TMC7: variants seen among roughly 807,000 people sequenced by gnomAD.
The protein encoded by TMC7 is transmembrane channel-like protein 7.
Under a neutral mutation model 82.9 loss-of-function variants are expected in TMC7, and 54 were observed. That is an observed-to-expected ratio of 0.65 (90% CI 0.52 to 0.82). TMC7 has a LOEUF of 0.82. Ranked by LOEUF, TMC7 falls within the 40% of genes least tolerant of loss-of-function variation. The pLI, the probability that TMC7 is intolerant of heterozygous loss-of-function variation, is 0.00. For synonymous variants in TMC7, 350 were observed against 337.9 expected (o/e 1.04, Z -0.39); for missense variants, 820 against 901.2 (o/e 0.91, Z 1.15).
At chr16:19,023,760 C>T (rs1030857996) in intron 5 of TMC7, among the ~76,000 whole-genome samples, 1 of 152,156 alleles carries the variant, frequency 6.6e-6, no homozygotes, top group African/African-American at 2.4e-5. Flanking sequence ...GTCCTTCAAT[C>T]TTTGTATTGA....
At position 18,998,351 on chromosome 16, in the gene TMC7, G is replaced by C. The variant is rs569640513; in HGVS notation, c.68-10821G>C. Among the ~76,000 whole-genome samples the C allele has an allele frequency of 7.8e-4, 119 of 152,204 alleles. 1 individual carries two copies. The highest frequency in any genetic ancestry group is 1.5e-3 in the Non-Finnish European group (101 of 68,038). On this transcript the variant is annotated intron_variant, in intron 1 of 15. Coordinates refer to ENST00000304381, the MANE Select transcript of TMC7 (RefSeq NM_024847.4). ...AGGCTGGTGTCCAAATCCAGGCAGG[G>C]TGGGTTGGGAAACTGTGCTCTTAAC...
At chr16:19,013,003 G>A (rs1049529792) in intron 2 of TMC7, among the ~76,000 whole-genome samples, 2 of 150,334 alleles carry the variant, frequency 1.3e-5, no homozygotes, top group African/African-American at 4.9e-5. Flanking sequence ...TTTTAGTAGA[G>A]ACAGGGTTTC....
intron 1 of TMC7, among the ~76,000 whole-genome samples, chr16:18,995,084 T>C (rs1447567129): frequency 6.6e-6 from 1 of 152,124 alleles, no homozygotes; most frequent in Non-Finnish European, 1.5e-5. Context: ...GAGAAGCAGA[T>C]AATTTAGTTA....
chr16:18,995,078 A>G (rs1390788044), intron 1 of TMC7, among the ~76,000 whole-genome samples: 1 of 152,152 alleles, frequency 6.6e-6, no homozygotes, highest in African/African-American at 2.4e-5. Flanking sequence ...TAGTCAGAGA[A>G]GCAGATAATT....
At chr16:19,056,402 A>C (rs1016498734) in intron 13 of TMC7, 140 bp from the exon 14 acceptor site, 19 of 1,010,642 alleles carry the variant, frequency 1.9e-5, no homozygotes, top group Non-Finnish European at 2.7e-5. Flanking sequence ...AGCATTTTCG[A>C]CTCAAACATT....
At position 19,030,255 on chromosome 16, in the gene TMC7, G is replaced by A. The variant is rs1056762273; in HGVS notation, c.743G>A (p.Gly248Glu). 6.2e-7 allele frequency: 1 copy of A among 1,612,746 alleles called. No individual in the cohort carries two copies. Among genetic ancestry groups the A allele is most frequent in the Non-Finnish European group, 8.5e-7 (1 of 1,179,682 alleles). Reference sequence around the variant, plus strand: ...CTGGAGGAAACTAGCCTCTTTTACGGACATTACACCATTGATGGGGTGAAA... The same window carrying A: ...CTGGAGGAAACTAGCCTCTTTTACGAACATTACACCATTGATGGGGTGAAA... ...GFLEETSLFYGHYTIDGVKFQ... is the reference protein window; with the variant it reads ...GFLEETSLFYEHYTIDGVKFQ... Residue 248 changes from glycine (G) to glutamate (E), a missense_variant, in exon 6 of 16, where the codon GGA (glycine) becomes GAA (glutamate). By Grantham distance (98) the Gly-to-Glu change is moderately conservative (BLOSUM62 -2). This residue lies in a region of TMC7 where 650 missense variants were observed against 669.9 expected (regional missense o/e 0.97). Transcript: ENST00000304381.
At chr16:19,028,532 C>T (rs1270782936) in intron 5 of TMC7, among the ~76,000 whole-genome samples, 1 of 152,098 alleles carries the variant, frequency 6.6e-6, no homozygotes, top group Non-Finnish European at 1.5e-5. Flanking sequence ...TATAAGGAAG[C>T]CAGCTAGGAT....
chr16:19,056,768 C>A, intron 14 of TMC7, 71 bp downstream of exon 14: 2 of 1,532,728 alleles, frequency 1.3e-6, no homozygotes, highest in Non-Finnish European at 1.8e-6. Context: ...GCGGTCGGGG[C>A]GGGGTCACCC....
At chr16:19,043,783 G>T (rs552308292) in intron 9 of TMC7, among the ~76,000 whole-genome samples, 2 of 152,084 alleles carry the variant, frequency 1.3e-5, no homozygotes, top group Admixed American at 6.5e-5. Flanking sequence ...TGTTGGTCAG[G>T]CTGGTTTCGA....
chr16:19,050,387 A>AC (rs1961480520), intron 12 of TMC7, among the ~76,000 whole-genome samples: 1 of 151,488 alleles, frequency 6.6e-6, no homozygotes, highest in African/African-American at 2.4e-5. Context: ...AAAAAAAAAA[A>AC]AAAAACCAAA....
At chr16:19,008,974 C>T (rs1032404325) in intron 1 of TMC7, among the ~76,000 whole-genome samples, 198 bp from the exon 2 acceptor site, 6 of 152,168 alleles carry the variant, frequency 3.9e-5, no homozygotes, top group African/African-American at 1.4e-4. Context: ...AACACATCTG[C>T]AGAAAGCGAG....
At chr16:18,995,646 C>T (rs775251217) in intron 1 of TMC7, among the ~76,000 whole-genome samples, 4 of 152,156 alleles carry the variant, frequency 2.6e-5, no homozygotes, top group Admixed American at 2.0e-4. Flanking sequence ...GCGGTTCAGA[C>T]GTTTTGAAGT....
chr16:19,034,808 A>G (rs1960671741), intron 6 of TMC7, among the ~76,000 whole-genome samples: 1 of 152,068 alleles, frequency 6.6e-6, no homozygotes, highest in African/African-American at 2.4e-5. Context: ...AGAGTCCCAG[A>G]GGCAGGAACA....
At chr16:19,030,736 G>GCCTAGC (rs1447432139) in intron 6 of TMC7, among the ~76,000 whole-genome samples, 122 of 152,002 alleles carry the variant, frequency 8.0e-4, no homozygotes, top group African/African-American at 2.8e-3. Context: ...GTGCCACCAT[G>GCCTAGC]CCTAGCTAAT....
intron 2 of TMC7, among the ~76,000 whole-genome samples, chr16:19,010,438 G>A (rs1363568122): frequency 6.6e-6 from 1 of 152,138 alleles, no homozygotes; most frequent in Non-Finnish European, 1.5e-5. Context: ...ACAGGCATGA[G>A]CTACCGTGCC....
At chr16:19,014,840 T>C (rs1171101952) in intron 2 of TMC7, among the ~76,000 whole-genome samples, 1 of 152,240 alleles carries the variant, frequency 6.6e-6, no homozygotes, top group African/African-American at 2.4e-5. Flanking sequence ...GGTTCATAAA[T>C]GAATTGGCAT....
chr16:19,043,346 T>C (rs1053780657), intron 9 of TMC7, among the ~76,000 whole-genome samples: 1 of 152,186 alleles, frequency 6.6e-6, no homozygotes, highest in Non-Finnish European at 1.5e-5. Context: ...AGTGTCACTA[T>C]GTCATCACAG....
At chr16:19,045,569 A>G in intron 11 of TMC7, 131 bp downstream of exon 11, 1 of 610,494 alleles carries the variant, frequency 1.6e-6, no homozygotes, top group South Asian at 2.1e-5. Context: ...ACAGCCCTGG[A>G]AATCTGACAA....
chr16:19,023,828 G>A (rs1960099376), intron 5 of TMC7, among the ~76,000 whole-genome samples: 2 of 152,170 alleles, frequency 1.3e-5, no homozygotes, highest in Non-Finnish European at 2.9e-5. Context: ...AATGAACCCA[G>A]ATAGAATGTT....
Sources: allele counts gnomAD v4.1 joint callset (sites outside exome capture counted in the v4.1 genomes callset), GRCh38; gene constraint gnomAD v4.1.1; regional missense constraint gnomAD v4.1.1; transcripts MANE v1.5; gene names NCBI Gene and HGNC (gene_info 2026-07-23, HGNC 2026-07-21).